The following TNFRSF19 variants were observed in gnomAD, a reference collection of about 807,000 sequenced individuals.
TNFRSF19 encodes the protein tumor necrosis factor receptor superfamily member 19.
Under a neutral mutation model 46.4 loss-of-function variants are expected in TNFRSF19, and 27 were observed. The observed-to-expected ratio is 0.58, with a 90% CI of 0.43 to 0.80. The LOEUF (loss-of-function observed/expected upper bound fraction) is 0.80, where lower values mean the gene tolerates loss of function less well. TNFRSF19 is among the 30% of genes least tolerant of loss of function. The pLI is 0.00. For missense variants in TNFRSF19, 511 were observed against 530.8 expected (o/e 0.96, Z 0.37); for synonymous variants, 204 against 205.0 (o/e 1.00, Z 0.04).
chr13:23,659,195 T>C lies in TNFRSF19; in HGVS notation c.591T>C (p.Phe197=), dbSNP rs750645425. 4 of 1,610,340 alleles carry C rather than the reference T, an allele frequency of 2.5e-6. No individual in the cohort carries two copies. The Admixed American group carries it at 6.7e-5, about 27-fold the overall frequency. The stretch of plus-strand genomic sequence containing the variant: ...GTGTCATCTATTGTAAGAGACAGTT[T>C]ATGGAGAAGAAACCCAGCTGTAAGT... ...ILCVIYCKRQ[F]MEKKPSWSLR... is the part of the protein sequence containing the mutation. Residue 197 remains phenylalanine, a synonymous_variant, in exon 6 of 10, where the codon TTT becomes TTC. Transcript: ENST00000248484. The surrounding 1 kb of genome is among the most constrained non-coding windows in gnomAD (Gnocchi z 4.9).
At chr13:23,636,897 C>T (rs1317188511) in intron 5 of TNFRSF19, among the ~76,000 whole-genome samples, 1 of 152,114 alleles carries the variant, frequency 6.6e-6, no homozygotes, top group Non-Finnish European at 1.5e-5. Context: ...TGGCTTTTCA[C>T]CCCTTTCTCA....
intron 5 of TNFRSF19, among the ~76,000 whole-genome samples, chr13:23,649,929 C>T (rs114543587): frequency 1.3e-5 from 2 of 152,094 alleles, no homozygotes; most frequent in Non-Finnish European, 2.9e-5. Context: ...TGTATGATTT[C>T]TGTCTTTTCA....
intron 3 of TNFRSF19, among the ~76,000 whole-genome samples, chr13:23,597,220 G>A (rs1879794684): frequency 6.6e-6 from 1 of 152,088 alleles, no homozygotes; most frequent in African/African-American, 2.4e-5. Flanking sequence ...TCAAAAGCTA[G>A]CAGAAGACAG....
intron 7 of TNFRSF19, among the ~76,000 whole-genome samples, chr13:23,666,106 T>C (rs1951627709): frequency 6.6e-6 from 1 of 152,166 alleles, no homozygotes; most frequent in East Asian, 1.9e-4. Context: ...GGAGGCAGAG[T>C]TGTCCATCTG....
At chr13:23,649,768 A>T (rs1159732581) in intron 5 of TNFRSF19, among the ~76,000 whole-genome samples, 1 of 152,026 alleles carries the variant, frequency 6.6e-6, no homozygotes, top group Non-Finnish European at 1.5e-5. Flanking sequence ...TATTCACCTC[A>T]AAGTATTTCC....
At chr13:23,646,401 C>T (rs946887115) in intron 5 of TNFRSF19, among the ~76,000 whole-genome samples, 15 of 151,984 alleles carry the variant, frequency 9.9e-5, no homozygotes, top group African/African-American at 3.4e-4. Context: ...CTTTCATCAC[C>T]CCAGATAGAA....
At chr13:23,618,340 A>T (rs900083014) in intron 4 of TNFRSF19, among the ~76,000 whole-genome samples, 1 of 152,228 alleles carries the variant, frequency 6.6e-6, no homozygotes, top group Non-Finnish European at 1.5e-5. Context: ...ACAATGAAGG[A>T]TTTGAATAGA....
Position 23,593,365 on chromosome 13 carries a change from A to G in TNFRSF19, c.90A>G (p.Glu30=). 6.3e-7 allele frequency: 1 copy of G among 1,578,732 alleles called. No individual in the cohort carries two copies. The highest frequency in any genetic ancestry group is 8.5e-7 in the Non-Finnish European group (1 of 1,170,344). ...TTCAGTCATGTAAAGTGACTTGTGA[A>G]TCAGGAGACTGTAGACAGCAAGAAT... The part of the protein sequence containing the change: ...LGYLSCKVTC[E]SGDCRQQEFR... The change falls in exon 3 of 10, where the codon GAA becomes GAG. Residue 30 remains glutamate, a synonymous_variant. Coordinates refer to ENST00000248484, the MANE Select transcript of TNFRSF19 (RefSeq NM_148957.4).
intron 5 of TNFRSF19, among the ~76,000 whole-genome samples, chr13:23,632,349 A>G (rs1191163139): frequency 6.6e-6 from 1 of 152,228 alleles, no homozygotes; most frequent in Non-Finnish European, 1.5e-5. Flanking sequence ...CAAGTCTTAA[A>G]TACTTAGCTC....
At position 23,581,131 on chromosome 13, in the gene TNFRSF19, TC is replaced by T. The variant is rs376787813; in HGVS notation, c.-34-9018del. On this transcript the variant is annotated intron_variant, in intron 1 of 9. Coordinates refer to ENST00000248484, the MANE Select transcript of TNFRSF19 (RefSeq NM_148957.4). The stretch of plus-strand genomic sequence containing the variant: ...CGATGTGCCTTTTCTTTTTTTCTTT[TC>T]TTTTTTTTTTTTTGAAACGGAGTCT... 2.2e-3 allele frequency among the ~76,000 whole-genome samples: 306 copies of T among 139,082 alleles called. 7 individuals carry two copies. The highest frequency in any genetic ancestry group is 7.4e-3 in the African/African-American group (281 of 38,138). 91.2% of individuals were successfully genotyped at this position (139,082 alleles called of 152,430 possible).
At position 23,673,728 on chromosome 13, in the gene TNFRSF19, T is replaced by A. The variant is rs1565959506; in HGVS notation, c.*348T>A. ...ATAACAAGAAACAGAAATGCCCTCA[T>A]GCTTATTTTCATGGTGATTGTGGTT... On this transcript the variant is annotated 3_prime_UTR_variant, in exon 10 of 10. Transcript: ENST00000248484. The A allele has an allele frequency of 3.4e-6, 1 of 292,350 alleles. No homozygotes were observed. Among genetic ancestry groups the A allele is most frequent in the Non-Finnish European group, 5.9e-6 (1 of 169,082 alleles). 18.1% of individuals were successfully genotyped at this position (292,350 alleles called of 1,614,324 possible).
chr13:23,672,408 CAGAA>C (rs1475145626), intron 9 of TNFRSF19, among the ~76,000 whole-genome samples: 1 of 152,104 alleles, frequency 6.6e-6, no homozygotes, highest in Non-Finnish European at 1.5e-5. Flanking sequence ...CAGGAACAGA[CAGAA>C]AGAAGGTTAG....
intron 1 of TNFRSF19, among the ~76,000 whole-genome samples, chr13:23,589,522 T>G (rs556849585): frequency 6.6e-6 from 1 of 152,278 alleles, no homozygotes; most frequent in East Asian, 1.9e-4. Flanking sequence ...AATAGCACAT[T>G]GTCTGTCAGG....
At chr13:23,647,132 G>GT (rs1181919953) in intron 5 of TNFRSF19, among the ~76,000 whole-genome samples, 4 of 152,136 alleles carry the variant, frequency 2.6e-5, no homozygotes, top group African/African-American at 9.6e-5. Context: ...TTGTTTGTCT[G>GT]TTTTTTGTTG....
At chr13:23,666,223 A>G (rs1211541699) in intron 7 of TNFRSF19, among the ~76,000 whole-genome samples, 1 of 152,156 alleles carries the variant, frequency 6.6e-6, no homozygotes, top group Admixed American at 6.5e-5. Flanking sequence ...TAAATATCCT[A>G]TAGGGGATAC....
chr13:23,574,246 A>G (rs1366426005), intron 1 of TNFRSF19, among the ~76,000 whole-genome samples: 1 of 152,088 alleles, frequency 6.6e-6, no homozygotes, highest in Non-Finnish European at 1.5e-5. Flanking sequence ...CCTAATATTT[A>G]TTAATTCACT....
chr13:23,674,719 C>T lies in TNFRSF19; in HGVS notation c.*1339C>T, dbSNP rs11549249. 2 of 152,166 alleles carry T rather than the reference C, an allele frequency of 1.3e-5. No individual in the cohort carries two copies. The highest frequency in any genetic ancestry group is 1.9e-4 in the East Asian group (1 of 5,198). The allele number at this position is 152,166 out of a possible 1,614,324, so 9.4% of individuals were successfully genotyped here. The stretch of plus-strand genomic sequence containing the variant: ...TTAGACTTCTGAACATCAGTATGTT[C>T]GAGGGTACTATGATATTTTGGTTTG... On this transcript the variant is annotated 3_prime_UTR_variant, in exon 10 of 10. Coordinates refer to ENST00000248484, the MANE Select transcript of TNFRSF19 (RefSeq NM_148957.4).
intron 1 of TNFRSF19, among the ~76,000 whole-genome samples, chr13:23,586,548 C>G (rs1878854923): frequency 6.6e-6 from 1 of 152,238 alleles, no homozygotes; most frequent in Admixed American, 6.5e-5. Flanking sequence ...CAGAGCTGCC[C>G]TTCCCCGGCA....
At chr13:23,582,570 C>T (rs1164410618) in intron 1 of TNFRSF19, among the ~76,000 whole-genome samples, 3 of 152,026 alleles carry the variant, frequency 2.0e-5, no homozygotes, top group Middle Eastern at 3.4e-3. Flanking sequence ...GAGATTGATT[C>T]GCATATAGTA....
Sources: allele counts gnomAD v4.1 joint callset (sites outside exome capture counted in the v4.1 genomes callset), GRCh38; gene constraint gnomAD v4.1.1; non-coding constraint Gnocchi (gnomAD v3.1); transcripts MANE v1.5; gene names NCBI Gene and HGNC (gene_info 2026-07-23, HGNC 2026-07-21).